The following PLD5 variants were observed in gnomAD, a reference collection of about 807,000 sequenced individuals.
PLD5 encodes phospholipase D family member 5, also known as inactive phospholipase D5.
Under a neutral mutation model 61.1 loss-of-function variants are expected in PLD5, and 36 were observed. That is an observed-to-expected ratio of 0.59 (90% CI 0.45 to 0.78). PLD5 has a LOEUF of 0.78. Ranked by LOEUF, PLD5 falls within the 30% of genes least tolerant of loss-of-function variation. The pLI is 0.00. For synonymous variants in PLD5, 243 were observed against 242.8 expected, an observed-to-expected ratio of 1.00 and a Z score of -0.01; for missense variants, 515 against 644.4, an observed-to-expected ratio of 0.80 and a Z score of 2.17.
At chr1:242,304,066 C>T (rs1176544770) in intron 2 of PLD5, among the ~76,000 whole-genome samples, 3 of 152,156 alleles carry the variant, frequency 2.0e-5, no homozygotes, top group African/African-American at 4.8e-5. Flanking sequence ...GGTAAATTTT[C>T]TGTGCCTCAA....
intron 2 of PLD5, among the ~76,000 whole-genome samples, chr1:242,318,282 G>A (rs1323773980): frequency 4.6e-5 from 7 of 152,110 alleles, no homozygotes; most frequent in Admixed American, 4.6e-4. Flanking sequence ...CCTGCAGAGG[G>A]CATGTTCTTC....
intron 4 of PLD5, among the ~76,000 whole-genome samples, chr1:242,222,322 C>T (rs1404586853): frequency 6.6e-6 from 1 of 152,164 alleles, no homozygotes; most frequent in Non-Finnish European, 1.5e-5. Context: ...AACAGAGACC[C>T]AGGTCACTTT....
chr1:242,529,667 G>A (rs1669511194), upstream of PLD5, among the ~76,000 whole-genome samples: 1 of 152,086 alleles, frequency 6.6e-6, no homozygotes, highest in Admixed American at 6.5e-5. Context: ...GGGAGGAGAG[G>A]GAGAGGTCAA....
intron 1 of PLD5, among the ~76,000 whole-genome samples, chr1:242,353,093 G>C (rs2488194): frequency 0.1 from 15,399 of 151,978 alleles, 978 homozygotes; most frequent in African/African-American, 0.17. Flanking sequence ...GAGGTGAAAT[G>C]TAAAAATGTT....
intron 5 of PLD5, among the ~76,000 whole-genome samples, chr1:242,193,581 C>T (rs1668419812): frequency 6.6e-6 from 1 of 152,214 alleles, no homozygotes. Context: ...TCTTGTTGTT[C>T]ACTCCTTGTA....
At chr1:242,351,983 A>G (rs1006207408) in intron 1 of PLD5, among the ~76,000 whole-genome samples, 1 of 152,160 alleles carries the variant, frequency 6.6e-6, no homozygotes, top group Non-Finnish European at 1.5e-5. Flanking sequence ...TAAGGTACAA[A>G]GTGATTTTTT....
Position 242,089,573 on chromosome 1 carries a change from G to A in PLD5, c.*281C>T. 1 of 527,828 alleles carries A rather than the reference G, an allele frequency of 1.9e-6. No individual in the cohort carries two copies. Among genetic ancestry groups the A allele is most frequent in the East Asian group, 3.0e-5 (1 of 33,816 alleles). The allele number at this position is 527,828 out of a possible 1,614,324, so 32.7% of individuals were successfully genotyped here. ...GCAGAAAAAGTTCTAAAACTAGAAA[G>A]GAGCAGGAATGAAAGTCTTAAAATT... On this transcript the variant is annotated 3_prime_UTR_variant, in exon 10 of 10. Coordinates refer to ENST00000536534, the MANE Select transcript of PLD5 (RefSeq NM_001372062.1).
chr1:242,251,094 A>G (rs1335895107), intron 4 of PLD5, among the ~76,000 whole-genome samples: 1 of 152,196 alleles, frequency 6.6e-6, no homozygotes, highest in Non-Finnish European at 1.5e-5. Context: ...CATCCATTTC[A>G]TTTTGGATAC....
In PLD5 at chr1:242,256,786, C is replaced by CTA. The variant is rs1030624054; in HGVS notation, c.607+8549_607+8550dup. Among the ~76,000 whole-genome samples the CTA allele has an allele frequency of 6.9e-6, 1 of 145,542 alleles. No homozygotes were observed. The highest frequency in any genetic ancestry group is 1.5e-5 in the Non-Finnish European group (1 of 65,854). On this transcript the variant is annotated intron_variant, in intron 4 of 9. Transcript: ENST00000536534. This position sits in a 1 kb window ranked among gnomAD's most constrained non-coding sequence, Gnocchi z 5.7. ...TCTATCTATCTATCTATCTATCTATCTATCTATCTATTAATATCTATCTTT... is the reference window on the plus strand; with the variant it reads ...TCTATCTATCTATCTATCTATCTATCTATATCTATCTATTAATATCTATCTTT...
In PLD5 at chr1:242,288,520, C is replaced by T; in HGVS notation, c.337G>A (p.Val113Met). Residue 113 changes from valine to methionine, a missense_variant, in exon 3 of 10, where the codon GTG (valine) becomes ATG (methionine). Physicochemically the swap from Val to Met is conservative, Grantham distance 21. Transcript: ENST00000536534. ...TTAAGGCCTTCAGGAATATTTTCCA[C>T]CAGGGCAATTCTTAGAAAAGATTTT... ...NCQNKCRIAL[V>M]ENIPEGLNYS... The T allele has an allele frequency of 6.3e-7, 1 of 1,588,382 alleles. No individual in the cohort carries two copies. The highest frequency in any genetic ancestry group is 8.5e-7 in the Non-Finnish European group (1 of 1,171,610).
intron 1 of PLD5, chr1:242,449,260 T>C: frequency 6.8e-7 from 1 of 1,469,754 alleles, no homozygotes; most frequent in South Asian, 1.2e-5. Context: ...GACTGTTCAG[T>C]CTCATGCTAC....
At chr1:242,229,492 A>G (rs1671160105) in intron 4 of PLD5, among the ~76,000 whole-genome samples, 1 of 152,170 alleles carries the variant, frequency 6.6e-6, no homozygotes, top group Non-Finnish European at 1.5e-5. Flanking sequence ...CTCCATACAG[A>G]TACATATATG....
chr1:242,121,934 C>A (rs1662401552), intron 6 of PLD5, among the ~76,000 whole-genome samples: 1 of 123,890 alleles, frequency 8.1e-6, no homozygotes, highest in Admixed American at 1.0e-4. Context: ...CACACCAGGG[C>A]CTGTCATGGG....
At position 242,256,969 on chromosome 1, in the gene PLD5, TCTAC is replaced by T. The variant is rs78666365; in HGVS notation, c.607+8364_607+8367del. On this transcript the variant is annotated intron_variant, in intron 4 of 9. Transcript: ENST00000536534. The surrounding 1 kb of genome is among the most constrained non-coding windows in gnomAD (Gnocchi z 5.7). ...ACCTACTGTCTTCTATCTATATCTA[TCTAC>T]CTACCTACCTACCTTCTTTCTATCA... Among the ~76,000 whole-genome samples, 196 of 151,792 alleles carry T rather than the reference TCTAC, an allele frequency of 1.3e-3. 1 individual carries two copies. Among genetic ancestry groups the T allele is most frequent in the Middle Eastern group, 3.4e-3 (1 of 294 alleles).
rs567346138 is a variant in PLD5 at position 242,448,324 on chromosome 1, C to A, written c.189+75764G>T. Among the ~76,000 whole-genome samples, 3 of 152,290 alleles carry A rather than the reference C, an allele frequency of 2.0e-5. No homozygotes were observed. In the East Asian group the frequency reaches 5.8e-4, roughly 29 times the overall value. ...AGTTGCTGGAAAGGCAAACTCACTT[C>A]TAAAAATTCCCAACCCTCCCTTCAT... On this transcript the variant is annotated intron_variant, in intron 1 of 9. Transcript: ENST00000536534.
intron 2 of PLD5, among the ~76,000 whole-genome samples, chr1:242,340,125 G>A (rs1659747694): frequency 6.6e-6 from 1 of 152,168 alleles, no homozygotes; most frequent in African/African-American, 2.4e-5. Context: ...AAAGGCTCTA[G>A]AGACAGTTTT....
chr1:242,360,099 G>T (rs1660983827), intron 1 of PLD5, among the ~76,000 whole-genome samples: 2 of 152,150 alleles, frequency 1.3e-5, no homozygotes, highest in South Asian at 2.1e-4. Flanking sequence ...TTTAAGCATG[G>T]ATCAAAATCA....
Position 242,394,226 on chromosome 1 carries a change from G to GTA in PLD5, c.190-45986_190-45985dup, listed in dbSNP as rs36083865. On this transcript the variant is annotated intron_variant, in intron 1 of 9. Coordinates refer to ENST00000536534, the MANE Select transcript of PLD5 (RefSeq NM_001372062.1). ...TATGTGTATATGAGTATATATATGT[G>GTA]TATATATATGAGTATATATATGTGT... is the stretch of plus-strand genomic sequence containing the variant. Among the ~76,000 whole-genome samples, 2 of 79,572 alleles carry GTA rather than the reference G, an allele frequency of 2.5e-5. 1 individual carries two copies. Among genetic ancestry groups the GTA allele is most frequent in the East Asian group, 6.6e-4 (2 of 3,044 alleles). 52.2% of individuals were successfully genotyped at this position (79,572 alleles called of 152,430 possible).
chr1:242,109,249 C>G (rs536977786), intron 7 of PLD5, among the ~76,000 whole-genome samples: 45 of 152,280 alleles, frequency 3.0e-4, no homozygotes, highest in African/African-American at 1.0e-3. Flanking sequence ...AAGGCCAAGG[C>G]GGTGGATCAC....
Sources: gnomAD v4.1 joint callset for allele counts (sites outside exome capture counted in the v4.1 genomes callset) on GRCh38, gnomAD v4.1.1 for gene constraint, Gnocchi (gnomAD v3.1) non-coding constraint, MANE v1.5 for transcripts, NCBI Gene and HGNC (gene_info 2026-07-23, HGNC 2026-07-21) for gene names.